Variants in PWWP2A observed in about 807,000 individuals in gnomAD.
The protein encoded by PWWP2A is PWWP domain containing 2A.
In PWWP2A, 18 loss-of-function variants were observed where a neutral mutation model predicts 48.5. That is an observed-to-expected ratio of 0.37 (90% CI 0.26 to 0.55). The LOEUF is 0.55. PWWP2A is among the 20% of genes least tolerant of loss of function. The probability of loss-of-function intolerance (pLI) is 0.81; values close to 1 mark genes in which losing one functional copy is unlikely to be tolerated. For missense variants in PWWP2A, 867 were observed against 976.4 expected (o/e 0.89, Z 1.49); for synonymous variants, 396 against 387.7 (o/e 1.02, Z -0.25).
chr5:160,104,993 G>T (rs1391102256), intron 1 of PWWP2A, among the ~76,000 whole-genome samples: 1 of 152,154 alleles, frequency 6.6e-6, no homozygotes, highest in East Asian at 1.9e-4. Context: ...TGTAATCCAA[G>T]CATTTCTGGA....
chr5:160,059,647 G>A (rs1178806479), downstream of PWWP2A, among the ~76,000 whole-genome samples: 2 of 152,160 alleles, frequency 1.3e-5, no homozygotes, highest in African/African-American at 4.8e-5. Context: ...CCTGAGGAGA[G>A]GGAGAGATAC....
chr5:160,072,604 C>G (rs556136987), downstream of PWWP2A, among the ~76,000 whole-genome samples: 1 of 152,302 alleles, frequency 6.6e-6, no homozygotes, highest in South Asian at 2.1e-4. Flanking sequence ...GTAGTGCACA[C>G]CTGTAGTCCC....
chr5:160,102,586 T>C (rs565725413), intron 1 of PWWP2A, among the ~76,000 whole-genome samples: 4 of 152,016 alleles, frequency 2.6e-5, no homozygotes, highest in African/African-American at 9.6e-5. Flanking sequence ...TAAATGTATA[T>C]CTAGCTAAAT....
intron 2 of PWWP2A, among the ~76,000 whole-genome samples, chr5:160,084,732 TA>T (rs909415935): frequency 1.3e-5 from 2 of 152,076 alleles, no homozygotes; most frequent in Admixed American, 1.3e-4. Context: ...CACCTGGTCC[TA>T]AAAATGTTAA....
At position 160,080,844 on chromosome 5, in the gene PWWP2A, T is replaced by C. The variant is rs1463212078; in HGVS notation, c.1550-74A>G. 5 of 1,394,072 alleles carry C rather than the reference T, an allele frequency of 3.6e-6. No individual in the cohort carries two copies. The Admixed American group carries it at 8.0e-5, about 22-fold the overall frequency. The allele number at this position is 1,394,072 out of a possible 1,614,324, so 86.4% of individuals were successfully genotyped here. Reference sequence around the variant, plus strand: ...TAATCCATCCATTTTACCAAAAAAATAGTTTTAAAATAAGACCAAAATTCA... The same window carrying C: ...TAATCCATCCATTTTACCAAAAAAACAGTTTTAAAATAAGACCAAAATTCA... On this transcript the variant is annotated intron_variant, in intron 2 of 3. Transcript: ENST00000456329.
the PWWP2A span, among the ~76,000 whole-genome samples, chr5:160,044,804 C>T: frequency 0.01 from 1,526 of 152,306 alleles, 17 homozygotes; most frequent in Middle Eastern, 0.02. Flanking sequence ...CCCAGTAGGT[C>T]TCAGCCTTAT....
chr5:160,097,216 G>T (rs1755743539), intron 1 of PWWP2A, among the ~76,000 whole-genome samples: 2 of 151,416 alleles, frequency 1.3e-5, no homozygotes, highest in South Asian at 2.1e-4. Context: ...ATGTACCTGT[G>T]ATCCCAGCTA....
rs1416590493 is a variant in PWWP2A, at chr5:160,077,873, T to A, written c.*282A>T. 4 of 358,834 alleles carry A rather than the reference T, an allele frequency of 1.1e-5. No individual in the cohort carries two copies. The highest frequency in any genetic ancestry group is 1.5e-5 in the Non-Finnish European group (3 of 196,150). 22.2% of individuals were successfully genotyped at this position (358,834 alleles called of 1,614,324 possible). The stretch of plus-strand genomic sequence containing the variant: ...AAGTTACTGTCAGTGTTTCTTCATA[T>A]ATAAAATTCAAGTGAGTTCTTACGT... On this transcript the variant is annotated 3_prime_UTR_variant, in exon 4 of 4. Coordinates refer to the PWWP2A transcript ENST00000456329. This position sits in a 1 kb window ranked among gnomAD's most constrained non-coding sequence, Gnocchi z 4.2.
downstream of PWWP2A, among the ~76,000 whole-genome samples, chr5:160,061,138 C>T (rs572859055): frequency 6.6e-6 from 1 of 152,336 alleles, no homozygotes; most frequent in South Asian, 2.1e-4. Flanking sequence ...CGCTTCAGCC[C>T]CATTGGACAC....
At chr5:160,090,581 TTGAG>T (rs375976685), downstream of PWWP2A, 84 of 984,578 alleles carry the variant, frequency 8.5e-5, no homozygotes, top group East Asian at 3.4e-4. Context: ...TCAAAAAGCA[TTGAG>T]TGAGTTCCCC....
rs539317018 is a variant in PWWP2A, at chr5:160,084,060, A to G, written c.1550-3290T>C. On this transcript the variant is annotated intron_variant, in intron 2 of 3. Transcript: ENST00000456329. Reference sequence around the variant, plus strand: ...TGTTATATTTCCATTTATACTGAGTATATGTTGCAGAATGATAGTATCGAA... The same window carrying G: ...TGTTATATTTCCATTTATACTGAGTGTATGTTGCAGAATGATAGTATCGAA... 2.0e-5 allele frequency among the ~76,000 whole-genome samples: 3 copies of G among 152,340 alleles called. 1 individual carries two copies. Among genetic ancestry groups the G allele is most frequent in the East Asian group, 3.9e-4 (2 of 5,190 alleles).
downstream of PWWP2A, among the ~76,000 whole-genome samples, chr5:160,071,213 T>G (rs1182717796): frequency 6.6e-6 from 1 of 152,086 alleles, no homozygotes; most frequent in African/African-American, 2.4e-5. Context: ...CCGGGCTTAG[T>G]AGTTATTTCT....
downstream of PWWP2A, among the ~76,000 whole-genome samples, chr5:160,071,604 C>G (rs1001431307): frequency 1.3e-5 from 2 of 152,142 alleles, no homozygotes; most frequent in South Asian, 4.1e-4. Context: ...AAGACCAAAG[C>G]GCAAATCTGA....
chr5:160,093,592 C>T lies in PWWP2A; in HGVS notation c.1058G>A (p.Arg353Gln), dbSNP rs1755308930. ...CACAGTAGTTACACTTTCATTTCTCCGTTTTTTATCTTCATATTTAGAAGA... is the reference window on the plus strand; with the variant it reads ...CACAGTAGTTACACTTTCATTTCTCTGTTTTTTATCTTCATATTTAGAAGA... ...TDSSKYEDKK[R>Q]RNESVTTVNK... is the part of the protein sequence containing the mutation. Residue 353 changes from arginine to glutamine, a missense_variant, in exon 2 of 2, where the codon CGG (arginine) becomes CAG (glutamine). By Grantham distance (43) the Arg-to-Gln change is conservative. This residue lies in a region of PWWP2A where 382 missense variants were observed against 407.2 expected (regional missense o/e 0.94). Transcript: ENST00000307063. This position sits in a 1 kb window ranked among gnomAD's most constrained non-coding sequence, Gnocchi z 5.8. 3.1e-6 allele frequency: 5 copies of T among 1,613,462 alleles called. No homozygotes were observed. Among genetic ancestry groups the T allele is most frequent in the Non-Finnish European group, 3.4e-6 (4 of 1,179,760 alleles).
chr5:160,065,133 G>C, intron 4 of PWWP2A: 1 of 1,572,442 alleles, frequency 6.4e-7, no homozygotes. Context: ...TAGGGGAAAG[G>C]CCCTGCCAAT....
intron 2 of PWWP2A, among the ~76,000 whole-genome samples, chr5:160,084,216 A>T (rs1754450604): frequency 6.6e-6 from 1 of 152,124 alleles, no homozygotes; most frequent in African/African-American, 2.4e-5. Flanking sequence ...CAATTATCTT[A>T]TGAGGAGATA....
downstream of PWWP2A, chr5:160,089,462 T>A (rs1210135480): frequency 1.9e-6 from 2 of 1,076,578 alleles, no homozygotes; most frequent in Non-Finnish European, 2.4e-6. Flanking sequence ...TCATCCCACC[T>A]TGGCCTTCCA....
the PWWP2A span, among the ~76,000 whole-genome samples, chr5:160,046,044 G>T: frequency 1.3e-5 from 2 of 152,052 alleles, no homozygotes; most frequent in African/African-American, 4.8e-5. Flanking sequence ...CCCAGCTCAA[G>T]ATTAGGGTTC....
intron 3 of PWWP2A, chr5:160,080,558 ATTCTT>A: frequency 8.6e-7 from 1 of 1,165,850 alleles, no homozygotes. Context: ...GAACTAATGA[ATTCTT>A]TTAAGTCTAG....
Sources: allele counts gnomAD v4.1 joint callset (sites outside exome capture counted in the v4.1 genomes callset), GRCh38; gene constraint gnomAD v4.1.1; regional missense constraint gnomAD v4.1.1; non-coding constraint Gnocchi (gnomAD v3.1); transcripts MANE v1.5; gene names NCBI Gene and HGNC (gene_info 2026-07-23, HGNC 2026-07-21).